GNAS: variants seen among roughly 807,000 people sequenced by gnomAD.
GNAS encodes the protein GNAS complex locus.
A neutral mutation model predicts 54.5 loss-of-function variants in GNAS; 8 were observed. The observed-to-expected ratio is 0.15, with a 90% CI of 0.09 to 0.26. The LOEUF (loss-of-function observed/expected upper bound fraction) is 0.26, where lower values mean the gene tolerates loss of function less well. Among genes scored for constraint, GNAS ranks in the 10% least tolerant of loss-of-function variants. The pLI is 1.00. For synonymous variants in GNAS, 204 were observed against 191.4 expected (o/e 1.07, Z -0.54); for missense variants, 170 against 529.8 (o/e 0.32, Z 6.67).
rs759371810 is a variant in GNAS at position 58,853,801 on chromosome 20, T to C, written c.43+12915T>C. ...CAGAGAGGCTGCAGTCAACTTCTCT[T>C]ACAGGTCCCAGACCTTGCTCCAGGA... On this transcript the variant is annotated intron_variant, in intron 1 of 12. Transcript: ENST00000306090. The surrounding 1 kb of genome is among the most constrained non-coding windows in gnomAD (Gnocchi z 4.4). 3.1e-6 allele frequency: 5 copies of C among 1,609,346 alleles called. No individual in the cohort carries two copies. The East Asian group carries it at 6.7e-5, about 22-fold the overall frequency.
At chr20:58,869,073 A>G (rs1342532021) in intron 1 of GNAS, among the ~76,000 whole-genome samples, 1 of 152,176 alleles carries the variant, frequency 6.6e-6, no homozygotes, top group African/African-American at 2.4e-5. Context: ...CTAAGGACAA[A>G]TCCCGGCAAC....
chr20:58,889,005 G>A (rs1184908970), upstream of GNAS: 2 of 950,490 alleles, frequency 2.1e-6, no homozygotes, highest in Non-Finnish European at 2.5e-6. Flanking sequence ...GCGCGGTCCC[G>A]GCACCGGCCT....
At position 58,895,543 on chromosome 20, in the gene GNAS, C is replaced by T. The variant is rs572680681; in HGVS notation, c.140-69C>T. 34 of 925,778 alleles carry T rather than the reference C, an allele frequency of 3.7e-5. No homozygotes were observed. In the South Asian group the frequency reaches 4.1e-4, roughly 11 times the overall value. 57.3% of individuals were successfully genotyped at this position (925,778 alleles called of 1,614,324 possible). A position where few individuals can be genotyped will look rare whatever the true frequency, so the allele number is the denominator to read the frequency against. On this transcript the variant is annotated intron_variant, in intron 1 of 12. Transcript: ENST00000371085. ...CTTCTATGGAAAAACAAAACAACAA[C>T]AGCAGACCTCCCTGCCCAAAGTGTT...
chr20:58,905,324 GTGT>G, intron 5 of GNAS, 56 bp from the exon 6 acceptor site: 2 of 944,470 alleles, frequency 2.1e-6, no homozygotes, highest in South Asian at 1.3e-5. Flanking sequence ...TTGAATGACA[GTGT>G]TGTTGATTAG....
At chr20:58,902,685 A>G (rs999835535) in intron 3 of GNAS, among the ~76,000 whole-genome samples, 2 of 138,104 alleles carry the variant, frequency 1.4e-5, no homozygotes, top group Non-Finnish European at 3.0e-5. Flanking sequence ...TAGAAGTTTC[A>G]TTGCTGCTAG....
intron 5 of GNAS, 52 bp downstream of exon 5, chr20:58,903,843 T>A (rs765686703): frequency 1.9e-6 from 3 of 1,605,686 alleles, no homozygotes; most frequent in Non-Finnish European, 2.6e-6. Flanking sequence ...CTGAGCACAG[T>A]GTCCATATAG....
At chr20:58,883,208 G>A (rs1308494969) in intron 1 of GNAS, among the ~76,000 whole-genome samples, 3 of 152,142 alleles carry the variant, frequency 2.0e-5, no homozygotes, top group Admixed American at 6.5e-5. Flanking sequence ...TTGGAAGGCC[G>A]AGTCTGTCTG....
At chr20:58,884,102 G>T (rs2088432610) in intron 1 of GNAS, among the ~76,000 whole-genome samples, 1 of 152,172 alleles carries the variant, frequency 6.6e-6, no homozygotes, top group African/African-American at 2.4e-5. Flanking sequence ...TGACACCTGA[G>T]GCCCAGTCTA....
rs1483589621 is a variant in GNAS at position 58,894,518 on chromosome 20, GAAA to G, written c.140-1091_140-1089del. Among the ~76,000 whole-genome samples the G allele has an allele frequency of 9.9e-5, 15 of 152,280 alleles. No individual in the cohort carries two copies. In the East Asian group the frequency reaches 2.9e-3, roughly 29 times the overall value. The stretch of plus-strand genomic sequence containing the variant: ...AATACAATTAAAAGTTAAAAAGAAA[GAAA>G]AAGGTAATAACAGATTTGTGTGGAA... On this transcript the variant is annotated intron_variant, in intron 1 of 12. Coordinates refer to ENST00000371085, the MANE Select transcript of GNAS (RefSeq NM_000516.7).
intron 1 of GNAS, among the ~76,000 whole-genome samples, chr20:58,872,949 T>A (rs931160677): frequency 6.6e-6 from 1 of 152,260 alleles, no homozygotes; most frequent in African/African-American, 2.4e-5. Context: ...CATTTTGGCC[T>A]TCTTGTAAAG....
At chr20:58,845,924 T>C (rs2085924725) in intron 1 of GNAS, among the ~76,000 whole-genome samples, 2 of 152,358 alleles carry the variant, frequency 1.3e-5, no homozygotes, top group Middle Eastern at 3.4e-3. Flanking sequence ...CAGCTCCCAC[T>C]GGGCATAGCC....
chr20:58,885,446 T>C (rs1313464728), intron 1 of GNAS, among the ~76,000 whole-genome samples: 2 of 152,320 alleles, frequency 1.3e-5, no homozygotes, highest in Non-Finnish European at 2.9e-5. Flanking sequence ...TAAAAACAGA[T>C]CATTTTAAAA....
intron 1 of GNAS, among the ~76,000 whole-genome samples, chr20:58,878,128 C>G (rs563494490): frequency 1.3e-5 from 2 of 152,262 alleles, no homozygotes; most frequent in East Asian, 3.9e-4. Context: ...TGCAGACTTA[C>G]GCAGAGCACA....
At chr20:58,862,962 G>GGAAAAAAAA (rs764397592) in intron 1 of GNAS, among the ~76,000 whole-genome samples, 1 of 82,340 alleles carries the variant, frequency 1.2e-5, no homozygotes, top group Non-Finnish European at 2.5e-5. Context: ...TATTACACAT[G>GGAAAAAAAA]AAAAAAAAAA....
At chr20:58,895,349 ACAAT>A (rs891832305) in intron 1 of GNAS, 3 of 471,076 alleles carry the variant, frequency 6.4e-6, no homozygotes, top group African/African-American at 2.0e-5. Flanking sequence ...AATTTTTTAA[ACAAT>A]CAAAAGAAAA....
At position 58,911,100 on chromosome 20, in the gene GNAS, CAAATA is replaced by C. The variant is rs949134833; in HGVS notation, c.*276_*280del. ...AAATAAATAAAACAGCAGCAGCAAACAAATAAAATGAAATAAAAGAAACAAATGAA... is the reference window on the plus strand; with the variant it reads ...AAATAAATAAAACAGCAGCAGCAAACAAATGAAATAAAAGAAACAAATGAA... On this transcript the variant is annotated 3_prime_UTR_variant, in exon 13 of 13. Coordinates refer to ENST00000371085, the MANE Select transcript of GNAS (RefSeq NM_000516.7). 12 of 601,812 alleles carry C rather than the reference CAAATA, an allele frequency of 2.0e-5. No individual in the cohort carries two copies. The highest frequency in any genetic ancestry group is 1.1e-4 in the South Asian group (7 of 62,032). The allele number at this position is 601,812 out of a possible 1,614,324, so 37.3% of individuals were successfully genotyped here. A position where few individuals can be genotyped will look rare whatever the true frequency, so the allele number is the denominator to read the frequency against.
chr20:58,858,389 A>AG (rs2086606630), intron 1 of GNAS, among the ~76,000 whole-genome samples: 3 of 152,208 alleles, frequency 2.0e-5, no homozygotes, highest in African/African-American at 7.2e-5. Context: ...AGAGAGAGAG[A>AG]AAGATAGATA....
chr20:58,883,871 C>A (rs891095724), intron 1 of GNAS, among the ~76,000 whole-genome samples: 1 of 152,206 alleles, frequency 6.6e-6, no homozygotes, highest in East Asian at 1.9e-4. Context: ...TAGTTCCCCC[C>A]TCAAAATAAA....
At chr20:58,850,893 G>C (rs908563159) in intron 1 of GNAS, 4 of 398,634 alleles carry the variant, frequency 1.0e-5, no homozygotes, top group African/African-American at 2.1e-5. Flanking sequence ...GTTCCAACGC[G>C]GCGCCCCCTA....
Sources: allele counts gnomAD v4.1 joint callset (sites outside exome capture counted in the v4.1 genomes callset), GRCh38; gene constraint gnomAD v4.1.1; non-coding constraint Gnocchi (gnomAD v3.1); transcripts MANE v1.5; gene names NCBI Gene and HGNC (gene_info 2026-07-23, HGNC 2026-07-21).